RAB30: variants seen among roughly 807,000 people sequenced by gnomAD.
The protein encoded by RAB30 is RAB30, member RAS oncogene family.
Under a neutral mutation model 25.1 loss-of-function variants are expected in RAB30, and 9 were observed. The observed-to-expected ratio is 0.36, with a 90% CI of 0.22 to 0.63. RAB30 has a LOEUF of 0.63. Among genes scored for constraint, RAB30 ranks in the 20% least tolerant of loss-of-function variants. RAB30 has a pLI of 0.69. For missense variants in RAB30, 140 were observed against 243.5 expected (o/e 0.58, Z 2.83); for synonymous variants, 77 against 86.4 (o/e 0.89, Z 0.60).
Position 82,997,444 on chromosome 11 carries a change from G to T in RAB30, c.-8-120C>A, listed in dbSNP as rs535195231. On this transcript the variant is annotated intron_variant, in intron 1 of 4. Transcript: ENST00000527633. The stretch of plus-strand genomic sequence containing the variant: ...TGACTCATTTAAAGAGCAATTTAAA[G>T]CTCCCCTCCGGTGACCCTGCCAGCT... The T allele has an allele frequency of 1.3e-4, 89 of 698,360 alleles. No individual in the cohort carries two copies. In the African/African-American group the frequency reaches 1.4e-3, roughly 11 times the overall value. 43.3% of individuals were successfully genotyped at this position (698,360 alleles called of 1,614,324 possible). A position where few individuals can be genotyped will look rare whatever the true frequency, so the allele number is the denominator to read the frequency against.
At chr11:83,024,236 A>G (rs1444113620) in intron 1 of RAB30, among the ~76,000 whole-genome samples, 2 of 152,194 alleles carry the variant, frequency 1.3e-5, no homozygotes, top group African/African-American at 4.8e-5. Flanking sequence ...TTTGATTTAT[A>G]AGGTCAGCAT....
chr11:83,019,140 C>A (rs928883882), intron 1 of RAB30, among the ~76,000 whole-genome samples: 1 of 152,194 alleles, frequency 6.6e-6, no homozygotes, highest in Non-Finnish European at 1.5e-5. Flanking sequence ...GATTCTCATG[C>A]CTCAGCCTCC....
intron 1 of RAB30, among the ~76,000 whole-genome samples, chr11:83,002,376 C>T (rs1199665503): frequency 2.0e-5 from 3 of 152,198 alleles, no homozygotes; most frequent in African/African-American, 2.4e-5. Flanking sequence ...ATTCAGTCAT[C>T]ATTCATCCCT....
At chr11:82,989,954 G>A (rs1856817758) in intron 3 of RAB30, among the ~76,000 whole-genome samples, 1 of 152,240 alleles carries the variant, frequency 6.6e-6, no homozygotes, top group Non-Finnish European at 1.5e-5. Context: ...AGGATATAAA[G>A]ATGAATAAAA....
chr11:83,054,765 G>A (rs1194026601), intron 1 of RAB30, among the ~76,000 whole-genome samples: 3 of 152,180 alleles, frequency 2.0e-5, no homozygotes, highest in Admixed American at 6.5e-5. Flanking sequence ...TACTCAGGAG[G>A]CTGAGGTGGG....
intron 1 of RAB30, among the ~76,000 whole-genome samples, chr11:83,036,396 G>A (rs557641444): frequency 3.3e-5 from 5 of 152,252 alleles, no homozygotes; most frequent in African/African-American, 1.2e-4. Context: ...TCGAACTCCT[G>A]ACCTCAAGTG....
intron 1 of RAB30, among the ~76,000 whole-genome samples, chr11:83,061,921 T>C (rs1017291452): frequency 1.3e-5 from 2 of 151,992 alleles, no homozygotes; most frequent in Non-Finnish European, 2.9e-5. Flanking sequence ...AAATAAAACA[T>C]AAACCACCTG....
chr11:83,038,485 T>A (rs1433073318), intron 1 of RAB30, among the ~76,000 whole-genome samples: 1 of 152,192 alleles, frequency 6.6e-6, no homozygotes, highest in Non-Finnish European at 1.5e-5. Context: ...TCAAGATGTT[T>A]ACTGTGAGGA....
intron 1 of RAB30, among the ~76,000 whole-genome samples, chr11:83,014,664 AAGAAAG>A (rs760817372): frequency 6.7e-6 from 1 of 149,490 alleles, no homozygotes; most frequent in Non-Finnish European, 1.5e-5. Flanking sequence ...GAAAGAAAGA[AAGAAAG>A]AAAGAAAGAA....
intron 1 of RAB30, among the ~76,000 whole-genome samples, chr11:83,000,175 T>C (rs1857047618): frequency 6.6e-6 from 1 of 152,222 alleles, no homozygotes; most frequent in South Asian, 2.1e-4. Flanking sequence ...TGGTAACTAG[T>C]GGAGCTGAGA....
chr11:83,025,594 C>G (rs1042383175), intron 1 of RAB30, among the ~76,000 whole-genome samples: 1 of 152,188 alleles, frequency 6.6e-6, no homozygotes, highest in Non-Finnish European at 1.5e-5. Context: ...AACATGTTTA[C>G]TGGGAGTGAG....
intron 1 of RAB30, among the ~76,000 whole-genome samples, chr11:83,066,415 C>T (rs1490690125): frequency 1.3e-5 from 2 of 148,882 alleles, no homozygotes; most frequent in Non-Finnish European, 3.0e-5. Context: ...TCAGGGAACT[C>T]TGTGCAATTA....
intron 4 of RAB30, among the ~76,000 whole-genome samples, chr11:82,983,057 C>A (rs1235354651): frequency 6.6e-6 from 1 of 150,702 alleles, no homozygotes. Flanking sequence ...ATACTGTTAA[C>A]CAAAAAAAAA....
chr11:82,983,152 C>T (rs1021446612), intron 4 of RAB30, among the ~76,000 whole-genome samples: 3 of 151,548 alleles, frequency 2.0e-5, no homozygotes, highest in African/African-American at 7.3e-5. Flanking sequence ...ATTATACACA[C>T]ATTTTATTTA....
At position 82,985,700 on chromosome 11, in the gene RAB30, T is replaced by C. The variant is rs1160534833; in HGVS notation, c.361+1887A>G. 2.7e-5 allele frequency among the ~76,000 whole-genome samples: 4 copies of C among 149,784 alleles called. No homozygotes were observed. In the East Asian group the frequency reaches 7.8e-4, roughly 29 times the overall value. On this transcript the variant is annotated intron_variant, in intron 4 of 4. Transcript: ENST00000527633. ...AGATGTAGCTGTCAATTACAACATA[T>C]GGACCTTACTTGGCTTTTTTTTTTT... is the stretch of plus-strand genomic sequence containing the variant.
chr11:82,987,905 TAAAAAAAAAAAAAAA>T lies in RAB30; in HGVS notation c.178-150_178-136del, dbSNP rs35726383. On this transcript the variant is annotated intron_variant, in intron 3 of 4. Coordinates refer to ENST00000527633, the MANE Select transcript of RAB30 (RefSeq NM_001286060.2). ...ACAATTTCATGGTTATTTTCTGCCC[TAAAAAAAAAAAAAAA>T]AAAAAAAAAAAAAGCACTGAAAATT... is the stretch of plus-strand genomic sequence containing the variant. 5.1e-4 allele frequency: 18 copies of T among 35,434 alleles called. No individual in the cohort carries two copies. The South Asian group carries it at 5.4e-3, about 11-fold the overall frequency. The allele number at this position is 35,434 out of a possible 1,614,324, so 2.2% of individuals were successfully genotyped here. A position where few individuals can be genotyped will look rare whatever the true frequency, so the allele number is the denominator to read the frequency against.
rs1193911385 is a variant in RAB30, at chr11:82,981,985, T to C, written c.*180A>G. The stretch of plus-strand genomic sequence containing the variant: ...AGACTGGAAAAGGGTGAAACCATTA[T>C]ATGTTCTGCTAATGCTGGCCTGTGG... On this transcript the variant is annotated 3_prime_UTR_variant, in exon 5 of 5. Coordinates refer to ENST00000527633, the MANE Select transcript of RAB30 (RefSeq NM_001286060.2). 2.1e-5 allele frequency: 16 copies of C among 752,540 alleles called. No homozygotes were observed. The Admixed American group carries it at 3.7e-4, about 17-fold the overall frequency. 46.6% of individuals were successfully genotyped at this position (752,540 alleles called of 1,614,324 possible).
rs1856544016 is a variant in RAB30, at chr11:82,976,235, G to C, written c.*5930C>G. 1 of 152,204 alleles carries C rather than the reference G, an allele frequency of 6.6e-6. No individual in the cohort carries two copies. Among genetic ancestry groups the C allele is most frequent in the South Asian group, 2.1e-4 (1 of 4,832 alleles). The allele number at this position is 152,204 out of a possible 1,614,324, so 9.4% of individuals were successfully genotyped here. A position where few individuals can be genotyped will look rare whatever the true frequency, so the allele number is the denominator to read the frequency against. ...TCTTAAGGATCTACACTTGGCATCA[G>C]ACCATTCAAAGTCTGCTCTTAATTA... On this transcript the variant is annotated 3_prime_UTR_variant, in exon 5 of 5. Coordinates refer to ENST00000527633, the MANE Select transcript of RAB30 (RefSeq NM_001286060.2).
At chr11:83,041,705 AG>A (rs1322948483) in intron 1 of RAB30, 2 of 153,112 alleles carry the variant, frequency 1.3e-5, no homozygotes, top group Admixed American at 6.6e-5. Flanking sequence ...AAAAAAAAAA[AG>A]TTTTTATAAA....
Sources: allele counts gnomAD v4.1 joint callset (sites outside exome capture counted in the v4.1 genomes callset), GRCh38; gene constraint gnomAD v4.1.1; transcripts MANE v1.5; gene names NCBI Gene and HGNC (gene_info 2026-07-23, HGNC 2026-07-21).